The following ADCY2 variants were observed in gnomAD, a reference collection of about 807,000 sequenced individuals.
ADCY2 encodes the protein adenylate cyclase 2.
A neutral mutation model predicts 125.2 loss-of-function variants in ADCY2; 31 were observed. That is an observed-to-expected ratio of 0.25 (90% CI 0.19 to 0.33). The LOEUF (loss-of-function observed/expected upper bound fraction) is 0.33. ADCY2 is among the 10% of genes least tolerant of loss of function. The pLI, the probability that ADCY2 is intolerant of heterozygous loss-of-function variation, is 1.00. For missense variants in ADCY2, 904 were observed against 1,418.2 expected, an observed-to-expected ratio of 0.64 and a Z score of 5.82; for synonymous variants, 512 against 548.4, an observed-to-expected ratio of 0.93 and a Z score of 0.93.
intron 4 of ADCY2, among the ~76,000 whole-genome samples, chr5:7,648,121 C>T (rs1738965290): frequency 6.6e-6 from 1 of 152,122 alleles, no homozygotes. Context: ...TGTTAGAAGC[C>T]TTCAAAGAAA....
In ADCY2 at chr5:7,509,922, T is replaced by C. The variant is rs59319306; in HGVS notation, c.409-10816T>C. Among the ~76,000 whole-genome samples the C allele has an allele frequency of 7.4e-3, 1,126 of 152,336 alleles. 20 individuals are homozygous for C. The highest frequency in any genetic ancestry group is 0.025 in the African/African-American group (1,047 of 41,566). On this transcript the variant is annotated intron_variant, in intron 2 of 24. Transcript: ENST00000338316. ...GCTTTTCACTGTAAGAAAGATGGCATTCTACTTAAGATGGTCAGGTATTGA... is the reference window on the plus strand; with the variant it reads ...GCTTTTCACTGTAAGAAAGATGGCACTCTACTTAAGATGGTCAGGTATTGA...
intron 3 of ADCY2, among the ~76,000 whole-genome samples, chr5:7,618,535 G>A (rs1177460252): frequency 6.6e-6 from 1 of 152,208 alleles, no homozygotes; most frequent in Non-Finnish European, 1.5e-5. Flanking sequence ...GCGTAAGTCA[G>A]ACTCTCTAAT....
intron 14 of ADCY2, among the ~76,000 whole-genome samples, chr5:7,729,285 C>T (rs1397439071): frequency 6.6e-6 from 1 of 152,138 alleles, no homozygotes; most frequent in Non-Finnish European, 1.5e-5. Flanking sequence ...CACGTGTCCA[C>T]AATCCAGACT....
intron 16 of ADCY2, among the ~76,000 whole-genome samples, chr5:7,763,711 G>T (rs774695028): frequency 6.6e-6 from 1 of 152,084 alleles, no homozygotes; most frequent in African/African-American, 2.4e-5. Flanking sequence ...CCCTGGCATC[G>T]TGCCCTCGGG....
chr5:7,400,323 C>T (rs530358653), intron 1 of ADCY2, among the ~76,000 whole-genome samples: 32 of 152,030 alleles, frequency 2.1e-4, no homozygotes, highest in Admixed American at 2.0e-3. Flanking sequence ...AGAATATGGC[C>T]CACCTTGTTT....
intron 4 of ADCY2, among the ~76,000 whole-genome samples, chr5:7,660,093 A>G (rs1430081526): frequency 6.6e-6 from 1 of 152,124 alleles, no homozygotes; most frequent in Non-Finnish European, 1.5e-5. Flanking sequence ...TATGCTTACT[A>G]CTTCCATGAG....
intron 6 of ADCY2, among the ~76,000 whole-genome samples, chr5:7,697,089 G>C (rs191004328): frequency 1.3e-5 from 2 of 151,808 alleles, no homozygotes; most frequent in Non-Finnish European, 2.9e-5. Flanking sequence ...TGCCTGTCTC[G>C]GTGAACAAAT....
intron 15 of ADCY2, among the ~76,000 whole-genome samples, chr5:7,754,978 A>G (rs1272786214): frequency 6.6e-6 from 1 of 152,250 alleles, no homozygotes; most frequent in Non-Finnish European, 1.5e-5. Flanking sequence ...ATTAAACAAT[A>G]ATGATAACCA....
chr5:7,456,460 G>A (rs16878657), intron 2 of ADCY2, among the ~76,000 whole-genome samples: 2,780 of 152,204 alleles, frequency 0.018, 81 homozygotes, highest in African/African-American at 0.063. Context: ...GAAGTAAGAC[G>A]CTTGAAATGA....
chr5:7,762,012 T>C (rs1743236282), intron 16 of ADCY2, among the ~76,000 whole-genome samples: 1 of 152,224 alleles, frequency 6.6e-6, no homozygotes, highest in Non-Finnish European at 1.5e-5. Context: ...TTTAATACTT[T>C]TAATGTGCCT....
intron 2 of ADCY2, among the ~76,000 whole-genome samples, chr5:7,473,219 T>A (rs1409141138): frequency 6.6e-6 from 1 of 152,130 alleles, no homozygotes; most frequent in African/African-American, 2.4e-5. Flanking sequence ...GTAAAAAACA[T>A]AAGTTTATTT....
intron 2 of ADCY2, among the ~76,000 whole-genome samples, chr5:7,459,768 G>A (rs1437802490): frequency 3.0e-5 from 4 of 134,286 alleles, no homozygotes; most frequent in African/African-American, 1.3e-4. Flanking sequence ...CAGTTTAAGA[G>A]GTAATTTTTT....
At chr5:7,740,880 C>A (rs1208396748) in intron 14 of ADCY2, among the ~76,000 whole-genome samples, 1 of 151,774 alleles carries the variant, frequency 6.6e-6, no homozygotes, top group Non-Finnish European at 1.5e-5. Context: ...TAACAAATGA[C>A]AATCCAAGAT....
intron 16 of ADCY2, 21 bp from the exon 17 acceptor site, chr5:7,766,666 A>G (rs758301005): frequency 1.9e-6 from 3 of 1,609,244 alleles, no homozygotes; most frequent in South Asian, 2.2e-5. Context: ...TAATTCATTG[A>G]AAAAAACCTT....
rs182877610 is a variant in ADCY2, at chr5:7,739,989, G to A, written c.1872-3679G>A. ...TCTACCCAACATTTTAAGAAAATAA[G>A]ATAGAAAGAATTGGTCAAATATTAA... On this transcript the variant is annotated intron_variant, in intron 14 of 24. Coordinates refer to ENST00000338316, the MANE Select transcript of ADCY2 (RefSeq NM_020546.3). Among the ~76,000 whole-genome samples the A allele has an allele frequency of 6.9e-3, 1,042 of 152,028 alleles. 5 individuals carry two copies. The highest frequency in any genetic ancestry group is 0.011 in the Non-Finnish European group (730 of 67,836).
At chr5:7,759,238 G>A (rs1743114964) in intron 16 of ADCY2, among the ~76,000 whole-genome samples, 1 of 152,166 alleles carries the variant, frequency 6.6e-6, no homozygotes, top group African/African-American at 2.4e-5. Context: ...CTGCCTGTGT[G>A]TCCCAGCTCC....
intron 2 of ADCY2, among the ~76,000 whole-genome samples, chr5:7,476,801 A>G (rs1742541497): frequency 6.6e-6 from 1 of 152,212 alleles, no homozygotes; most frequent in African/African-American, 2.4e-5. Flanking sequence ...TCTCTTATTT[A>G]TAAGTCAATG....
chr5:7,693,502 TCCG>T (rs1341556582), intron 5 of ADCY2, among the ~76,000 whole-genome samples: 2 of 141,720 alleles, frequency 1.4e-5, no homozygotes, highest in Middle Eastern at 3.6e-3. Flanking sequence ...CACTGCAACC[TCCG>T]CCTGCCGGGT....
intron 16 of ADCY2, 124 bp downstream of exon 16, chr5:7,757,710 AC>A (rs1743059234): frequency 1.5e-6 from 2 of 1,366,370 alleles, no homozygotes; most frequent in Non-Finnish European, 1.9e-6. Flanking sequence ...GCTGTGTTCA[AC>A]ATGCTCAGCC....
Sources: gnomAD v4.1 joint callset for allele counts (sites outside exome capture counted in the v4.1 genomes callset) on GRCh38, gnomAD v4.1.1 for gene constraint, MANE v1.5 for transcripts, NCBI Gene and HGNC (gene_info 2026-07-23, HGNC 2026-07-21) for gene names.